Variants in CKLF observed in about 807,000 individuals in gnomAD.
CKLF encodes chemokine like factor.
In CKLF, 16 loss-of-function variants were observed where a neutral mutation model predicts 12.9. That is an observed-to-expected ratio of 1.24 (90% CI 0.84 to 1.88). The LOEUF is 1.88. CKLF is among the 40% of genes most tolerant of loss of function. The pLI, the probability that CKLF is intolerant of heterozygous loss-of-function variation, is 0.00. For synonymous variants in CKLF, 61 were observed against 69.0 expected, an observed-to-expected ratio of 0.88 and a Z score of 0.57; for missense variants, 172 against 188.5, an observed-to-expected ratio of 0.91 and a Z score of 0.51.
At chr16:66,562,277 A>G (rs1481973727) in intron 2 of CKLF, among the ~76,000 whole-genome samples, 1 of 152,046 alleles carries the variant, frequency 6.6e-6, no homozygotes, top group Admixed American at 6.5e-5. Flanking sequence ...ATAAAGACAG[A>G]GTTTCACCAT....
At chr16:66,555,490 A>G (rs986712292) in intron 1 of CKLF, among the ~76,000 whole-genome samples, 3 of 152,368 alleles carry the variant, frequency 2.0e-5, no homozygotes, top group Middle Eastern at 3.4e-3. Flanking sequence ...AGTCCAAGAC[A>G]GCTTCTGAAG....
At chr16:66,562,412 T>TA (rs1749080023) in intron 2 of CKLF, among the ~76,000 whole-genome samples, 3 of 152,216 alleles carry the variant, frequency 2.0e-5, no homozygotes, top group Admixed American at 6.5e-5. Flanking sequence ...TGCATTTTCT[T>TA]ACGTTATTAA....
downstream of CKLF, chr16:66,566,238 G>A (rs2012298821): frequency 1.4e-6 from 2 of 1,473,090 alleles, no homozygotes; most frequent in Non-Finnish European, 1.8e-6. This position sits in a 1 kb window ranked among gnomAD's most constrained non-coding sequence, Gnocchi z 4.9. Context: ...GCCGGGATCC[G>A]CCTCAGGGAT....
At chr16:66,557,725 G>T (rs1387162618) in intron 1 of CKLF, among the ~76,000 whole-genome samples, 8 of 152,164 alleles carry the variant, frequency 5.3e-5, no homozygotes, top group Admixed American at 5.2e-4. Flanking sequence ...GATGTTTCTA[G>T]GATGATGAGA....
chr16:66,560,199 T>G (rs1269326979), intron 2 of CKLF, among the ~76,000 whole-genome samples: 1 of 151,968 alleles, frequency 6.6e-6, no homozygotes, highest in Non-Finnish European at 1.5e-5. Context: ...AGGGTCTAGG[T>G]GGAGAAAGAG....
At chr16:66,554,832 A>T (rs567019465) in intron 1 of CKLF, among the ~76,000 whole-genome samples, 78 of 152,358 alleles carry the variant, frequency 5.1e-4, no homozygotes, top group Non-Finnish European at 8.4e-4. Context: ...TATGGCAGGA[A>T]TGTGTGGGAA....
chr16:66,557,053 T>G (rs536579587), intron 1 of CKLF, among the ~76,000 whole-genome samples: 42 of 151,152 alleles, frequency 2.8e-4, no homozygotes, highest in African/African-American at 4.6e-4. Flanking sequence ...GTTTTTTATG[T>G]TTTTTTTTCC....
In CKLF at chr16:66,552,586, C is replaced by T; in HGVS notation, c.-130C>T. 1.4e-6 allele frequency: 2 copies of T among 1,440,450 alleles called. No homozygotes were observed. The highest frequency in any genetic ancestry group is 9.6e-7 in the Non-Finnish European group (1 of 1,044,964). 89.2% of individuals were successfully genotyped at this position (1,440,450 alleles called of 1,614,324 possible). A position where few individuals can be genotyped will look rare whatever the true frequency, so the allele number is the denominator to read the frequency against. ...GCATGCGCGCAAGAGAGCGGGAAGC[C>T]GAGCTGGGCGAGAAGTAGGGGAGGG... is the stretch of plus-strand genomic sequence containing the variant. On this transcript the variant is annotated 5_prime_UTR_variant, in exon 1 of 4. Coordinates refer to ENST00000264001, the MANE Select transcript of CKLF (RefSeq NM_016951.4).
At chr16:66,564,041 A>G (rs993096362) in intron 3 of CKLF, among the ~76,000 whole-genome samples, 3 of 152,278 alleles carry the variant, frequency 2.0e-5, no homozygotes, top group Non-Finnish European at 2.9e-5. Context: ...ATGAGGAGTC[A>G]GAATTATTCT....
At chr16:66,564,808 A>T (rs1343037362) in intron 3 of CKLF, among the ~76,000 whole-genome samples, 1 of 152,152 alleles carries the variant, frequency 6.6e-6, no homozygotes, top group African/African-American at 2.4e-5. Context: ...CTGTTAAAAA[A>T]TCTTTAATTA....
At chr16:66,563,287 G>A in intron 3 of CKLF, 70 bp downstream of exon 3, 2 of 1,560,434 alleles carry the variant, frequency 1.3e-6, no homozygotes, top group Non-Finnish European at 1.8e-6. Context: ...GAAAACAGAT[G>A]TAAGAATAGA....
chr16:66,564,965 A>G (rs946883106), intron 3 of CKLF, among the ~76,000 whole-genome samples: 2 of 152,180 alleles, frequency 1.3e-5, no homozygotes, highest in Non-Finnish European at 2.9e-5. Flanking sequence ...AGGGAGCTGC[A>G]TGGTGCAGAA....
intron 2 of CKLF, 47 bp downstream of exon 2, chr16:66,558,395 TGA>T (rs943410048): frequency 6.3e-7 from 1 of 1,576,408 alleles, no homozygotes; most frequent in Non-Finnish European, 8.6e-7. Context: ...CCTACCATAG[TGA>T]GATATTCTAA....
At position 66,552,727 on chromosome 16, in the gene CKLF, G is replaced by A; in HGVS notation, c.12G>A (p.Val4=). The change falls in exon 1 of 4, where the codon GTG becomes GTA. Residue 4 remains valine, a synonymous_variant. Coordinates refer to ENST00000264001, the MANE Select transcript of CKLF (RefSeq NM_016951.4). The part of the protein sequence containing the change: MDN[V]QPKIKHRPFC... Reference sequence around the variant, plus strand: ...GGTCTGCAGACGCGATGGATAACGTGCAGCCGAAAATAAAACATCGCCCCT... The same window carrying A: ...GGTCTGCAGACGCGATGGATAACGTACAGCCGAAAATAAAACATCGCCCCT... The A allele has an allele frequency of 6.2e-7, 1 of 1,614,180 alleles. No individual in the cohort carries two copies. Among genetic ancestry groups the A allele is most frequent in the Non-Finnish European group, 8.5e-7 (1 of 1,180,018 alleles).
At chr16:66,563,927 T>A (rs896844747) in intron 3 of CKLF, among the ~76,000 whole-genome samples, 20 of 152,240 alleles carry the variant, frequency 1.3e-4, no homozygotes, top group African/African-American at 3.6e-4. Context: ...TAAATAAATC[T>A]TCCTACTTCC....
chr16:66,565,966 T>G lies in CKLF; in HGVS notation c.414T>G (p.Gly138=). ...GGAAGCTTCTGTTCAATCCCAGCGG[T>G]CCTTACCAGAAAAAGCCTGTGCATG... The part of the protein sequence containing the change: ...IYRKLLFNPS[G]PYQKKPVHEK... Residue 138 remains glycine (G), a synonymous_variant, in exon 4 of 4, where the codon GGT becomes GGG. Transcript: ENST00000264001. 6.2e-7 allele frequency: 1 copy of G among 1,613,604 alleles called. No individual in the cohort carries two copies. Among genetic ancestry groups the G allele is most frequent in the Middle Eastern group, 1.7e-4 (1 of 6,050 alleles).
chr16:66,565,805 G>A, intron 3 of CKLF, 81 bp from the exon 4 acceptor site: 1 of 1,318,302 alleles, frequency 7.6e-7, no homozygotes, highest in South Asian at 1.2e-5. Context: ...GAGGAATCTG[G>A]TGGGCAGACC....
Position 66,558,307 on chromosome 16 carries a change from A to C in CKLF, c.196A>C (p.Arg66=). The change falls in exon 2 of 4, where the codon AGA becomes CGA. Residue 66 remains arginine (R), a synonymous_variant. Transcript: ENST00000264001. Reference sequence around the variant, plus strand: ...ATTTTTCATACTTTTATATGTACTCAGACTTGATCGATTAATGAAGTGGTT... The same window carrying C: ...ATTTTTCATACTTTTATATGTACTCCGACTTGATCGATTAATGAAGTGGTT... The part of the protein sequence containing the change: ...ILFFILLYVL[R]LDRLMKWLFW... 1 of 1,610,880 alleles carries C rather than the reference A, an allele frequency of 6.2e-7. No individual in the cohort carries two copies. The highest frequency in any genetic ancestry group is 8.5e-7 in the Non-Finnish European group (1 of 1,179,402).
downstream of CKLF, chr16:66,566,163 G>A: frequency 6.4e-7 from 1 of 1,570,782 alleles, no homozygotes; most frequent in East Asian, 2.3e-5. The surrounding 1 kb of genome is among the most constrained non-coding windows in gnomAD (Gnocchi z 4.9). Flanking sequence ...TAACTTCCAA[G>A]GGAGCGCTGG....
Sources: gnomAD v4.1 joint callset for allele counts (sites outside exome capture counted in the v4.1 genomes callset) on GRCh38, gnomAD v4.1.1 for gene constraint, Gnocchi (gnomAD v3.1) non-coding constraint, MANE v1.5 for transcripts, NCBI Gene and HGNC (gene_info 2026-07-23, HGNC 2026-07-21) for gene names.